PUS10: variants seen among roughly 807,000 people sequenced by gnomAD.
PUS10 encodes the protein pseudouridine synthase 10.
In PUS10, 59 loss-of-function variants were observed where a neutral mutation model predicts 75.0. That is an observed-to-expected ratio of 0.79 (90% CI 0.64 to 0.98). The LOEUF is 0.98. Among genes scored for constraint, PUS10 ranks in the 50% least tolerant of loss-of-function variants. PUS10 has a pLI of 0.00. For synonymous variants in PUS10, 219 were observed against 211.6 expected (o/e 1.03, Z -0.30); for missense variants, 650 against 614.4 (o/e 1.06, Z -0.61).
chr2:60,959,836 T>G (rs962671904), intron 11 of PUS10, among the ~76,000 whole-genome samples: 1 of 152,034 alleles, frequency 6.6e-6, no homozygotes, highest in African/African-American at 2.4e-5. Flanking sequence ...TAACAAAATA[T>G]AGAAATCTTT....
intron 8 of PUS10, among the ~76,000 whole-genome samples, chr2:60,963,818 C>A (rs544907034): frequency 2.0e-5 from 3 of 152,132 alleles, no homozygotes; most frequent in Non-Finnish European, 2.9e-5. Context: ...ATACTTCAGA[C>A]TCTACAACTC....
In PUS10 at chr2:60,963,091, T is replaced by C. The variant is rs113214350; in HGVS notation, c.724-201A>G. ...GTCAGTTCTGCAACTGGCATACCTCTGTAACCCTTCTCTTCAATCTGGTCT... is the reference window on the plus strand; with the variant it reads ...GTCAGTTCTGCAACTGGCATACCTCCGTAACCCTTCTCTTCAATCTGGTCT... On this transcript the variant is annotated intron_variant, in intron 8 of 17. Transcript: ENST00000316752. 7.3e-3 allele frequency among the ~76,000 whole-genome samples: 1,107 copies of C among 152,330 alleles called. 12 individuals are homozygous for C. Among genetic ancestry groups the C allele is most frequent in the African/African-American group, 0.025 (1,047 of 41,562 alleles).
At position 60,961,559 on chromosome 2, in the gene PUS10, A is replaced by C. The variant is rs762094835; in HGVS notation, c.789-11T>G. On this transcript the variant is annotated splice_polypyrimidine_tract_variant and intron_variant, in intron 9 of 17. Transcript: ENST00000316752. ...GGACAAGGAAACTGCCTGCAAAACA[A>C]AATAAATTTTATAGCTATTTTCCAG... The C allele has an allele frequency of 6.2e-6, 10 of 1,608,604 alleles. No homozygotes were observed. The highest frequency in any genetic ancestry group is 1.3e-5 in the African/African-American group (1 of 74,784).
intron 4 of PUS10, among the ~76,000 whole-genome samples, chr2:60,995,013 C>A (rs1417618341): frequency 1.3e-5 from 2 of 152,146 alleles, no homozygotes; most frequent in East Asian, 3.8e-4. Flanking sequence ...TCGCTAGAAC[C>A]CGGGAGGTGG....
chr2:60,977,324 G>C (rs1178854809), intron 4 of PUS10, among the ~76,000 whole-genome samples: 1 of 152,168 alleles, frequency 6.6e-6, no homozygotes, highest in African/African-American at 2.4e-5. Flanking sequence ...TGGACACTTT[G>C]GGGTATGTTA....
chr2:60,989,398 C>T (rs2104551318), intron 4 of PUS10, among the ~76,000 whole-genome samples: 1 of 152,216 alleles, frequency 6.6e-6, no homozygotes, highest in East Asian at 1.9e-4. Context: ...TTTTGAGTCA[C>T]ATTTAAGGGC....
intron 4 of PUS10, among the ~76,000 whole-genome samples, chr2:61,000,043 G>A (rs945429400): frequency 2.6e-5 from 4 of 152,034 alleles, no homozygotes; most frequent in African/African-American, 9.7e-5. Flanking sequence ...GAGGGGCTCG[G>A]GGGTCCTAGA....
At chr2:60,943,541 T>C (rs1377363676) in intron 17 of PUS10, among the ~76,000 whole-genome samples, 1 of 151,962 alleles carries the variant, frequency 6.6e-6, no homozygotes, top group Non-Finnish European at 1.5e-5. Context: ...AACATAAAAT[T>C]ATTTACTGAA....
chr2:60,967,103 C>T (rs1558906615), intron 6 of PUS10: 1 of 182,854 alleles, frequency 5.5e-6, no homozygotes, highest in Admixed American at 6.4e-5. Flanking sequence ...TGAATAGGTT[C>T]TGTCCATGCA....
chr2:61,007,750 C>T (rs938082283), intron 3 of PUS10, among the ~76,000 whole-genome samples: 1 of 120,660 alleles, frequency 8.3e-6, no homozygotes, highest in Non-Finnish European at 1.7e-5. Context: ...GCCTGGGTGA[C>T]AAGAGCCAAA....
At chr2:60,961,318 T>G (rs1676011806) in intron 10 of PUS10, 145 bp downstream of exon 10, 4 of 673,148 alleles carry the variant, frequency 5.9e-6, no homozygotes, top group Non-Finnish European at 1.1e-5. Flanking sequence ...TAAAATAAGT[T>G]TGGCTATTGA....
At chr2:60,960,149 C>CAAAA (rs559273848) in intron 11 of PUS10, among the ~76,000 whole-genome samples, 35 of 88,090 alleles carry the variant, frequency 4.0e-4, no homozygotes, top group African/African-American at 8.2e-4. Context: ...CAGGCTCTCT[C>CAAAA]AAAAAAAAAA....
chr2:60,964,655 T>C (rs1676228749), intron 8 of PUS10, among the ~76,000 whole-genome samples: 1 of 152,226 alleles, frequency 6.6e-6, no homozygotes, highest in African/African-American at 2.4e-5. Context: ...ATTCTAAACA[T>C]TGATTTCTGG....
At chr2:60,967,445 A>G in intron 6 of PUS10, 57 bp downstream of exon 6, 1 of 1,195,778 alleles carries the variant, frequency 8.4e-7, no homozygotes, top group Non-Finnish European at 1.2e-6. Flanking sequence ...CTGCCATATA[A>G]TTAAGTAAAA....
chr2:61,006,150 T>C (rs543200658), intron 4 of PUS10, among the ~76,000 whole-genome samples: 2 of 152,290 alleles, frequency 1.3e-5, no homozygotes, highest in Non-Finnish European at 2.9e-5. Context: ...TATATTTTAC[T>C]CCAAAGGGAA....
At chr2:61,017,646 TG>T in intron 1 of PUS10, 2 of 759,566 alleles carry the variant, frequency 2.6e-6, no homozygotes, top group East Asian at 5.4e-5. Context: ...ACTGCAAGGG[TG>T]GGCGGGGTGG....
intron 4 of PUS10, among the ~76,000 whole-genome samples, chr2:60,979,923 T>C (rs1319133495): frequency 1.3e-5 from 2 of 152,204 alleles, no homozygotes; most frequent in Admixed American, 6.5e-5. Flanking sequence ...GTTCCTGGAA[T>C]TGCTATTTTT....
chr2:60,957,661 C>T (rs1675764746), intron 11 of PUS10, among the ~76,000 whole-genome samples: 1 of 152,240 alleles, frequency 6.6e-6, no homozygotes, highest in Non-Finnish European at 1.5e-5. Flanking sequence ...TACGCTGTGC[C>T]CTGGTAGACA....
intron 3 of PUS10, 108 bp downstream of exon 3, chr2:61,008,653 C>T: frequency 1.1e-6 from 1 of 951,940 alleles, no homozygotes; most frequent in Non-Finnish European, 1.5e-6. Flanking sequence ...GAATGAGACC[C>T]AAAAAAGAAT....
Sources: allele counts gnomAD v4.1 joint callset (sites outside exome capture counted in the v4.1 genomes callset), GRCh38; gene constraint gnomAD v4.1.1; transcripts MANE v1.5; gene names NCBI Gene and HGNC (gene_info 2026-07-23, HGNC 2026-07-21).